The following PACRG variants were observed in gnomAD, a reference collection of about 807,000 sequenced individuals.
The protein encoded by PACRG is parkin coregulated, also known as parkin coregulated gene protein.
In PACRG, 29 loss-of-function variants were observed where a neutral mutation model predicts 29.7. The observed-to-expected ratio is 0.98, with a 90% confidence interval of 0.73 to 1.33. PACRG has a LOEUF of 1.33. Among genes scored for constraint, PACRG ranks in the 40% most tolerant of loss-of-function variants. The probability of loss-of-function intolerance (pLI) is 0.00; values close to 1 mark genes in which losing one functional copy is unlikely to be tolerated. For synonymous variants in PACRG, 116 were observed against 118.7 expected (o/e 0.98, Z 0.15); for missense variants, 279 against 316.2 (o/e 0.88, Z 0.89).
chr6:163,129,237 A>C (rs558017), intron 4 of PACRG, among the ~76,000 whole-genome samples: 41,129 of 152,132 alleles, frequency 0.27, 5,664 homozygotes, highest in East Asian at 0.48. Flanking sequence ...GCGCGATTTG[A>C]ACATGCATTC....
At chr6:162,909,118 C>T (rs985527438) in intron 2 of PACRG, among the ~76,000 whole-genome samples, 4 of 152,202 alleles carry the variant, frequency 2.6e-5, no homozygotes, top group African/African-American at 9.7e-5. Context: ...ACCACATGAA[C>T]TCTTTGCAAT....
rs557901450 is a variant in PACRG, at chr6:162,984,045, T to C, written c.292-78105T>C. On this transcript the variant is annotated intron_variant, in intron 2 of 4. Transcript: ENST00000366888. ...TAAAAATTTTTTTTATTTCAATAGG[T>C]TTTTGGGAAACGGGTGGTGTTTGGT... Among the ~76,000 whole-genome samples the C allele has an allele frequency of 3.3e-5, 5 of 151,978 alleles. No individual in the cohort carries two copies. In the South Asian group the frequency reaches 1.0e-3, roughly 31 times the overall value.
rs67314549 is a variant in PACRG, at chr6:163,269,889, GAAA to G, written c.614-44936_614-44934del. Among the ~76,000 whole-genome samples the G allele has an allele frequency of 3.3e-3, 80 of 24,404 alleles. 11 individuals are homozygous for G. Among genetic ancestry groups the G allele is most frequent in the South Asian group, 6.7e-3 (5 of 750 alleles). 16.0% of individuals were successfully genotyped at this position (24,404 alleles called of 152,430 possible). On this transcript the variant is annotated intron_variant, in intron 4 of 4. Transcript: ENST00000366888. ...AAAGAGAAAGAAAGAAAGAAAGAAA[GAAA>G]ACAAAGAAAGAAAGAAAGAAAGAAA...
chr6:163,198,364 T>C (rs988586102), intron 4 of PACRG, among the ~76,000 whole-genome samples: 1 of 152,240 alleles, frequency 6.6e-6, no homozygotes, highest in Non-Finnish European at 1.5e-5. Flanking sequence ...AATACCTAGA[T>C]TGTGAGATAA....
At chr6:162,881,197 T>C (rs1361281142) in intron 2 of PACRG, among the ~76,000 whole-genome samples, 1 of 152,202 alleles carries the variant, frequency 6.6e-6, no homozygotes, top group African/African-American at 2.4e-5. Context: ...TTAAACGACC[T>C]GGCAGTTTTG....
At chr6:162,788,527 A>G (rs960121214) in intron 1 of PACRG, among the ~76,000 whole-genome samples, 2 of 152,210 alleles carry the variant, frequency 1.3e-5, no homozygotes, top group Non-Finnish European at 2.9e-5. Context: ...GGCAAATTCC[A>G]AGGAGTGTGA....
chr6:162,934,666 C>T (rs986230160), intron 2 of PACRG, among the ~76,000 whole-genome samples: 3 of 151,870 alleles, frequency 2.0e-5, no homozygotes, highest in African/African-American at 4.8e-5. Context: ...TTCTTTCTTC[C>T]TCTTTTATTG....
chr6:163,192,292 C>T (rs766988497), intron 4 of PACRG, among the ~76,000 whole-genome samples: 2 of 152,260 alleles, frequency 1.3e-5, no homozygotes, highest in East Asian at 3.9e-4. Flanking sequence ...ATTTCAGTTC[C>T]CTTGTTGACT....
At chr6:162,774,038 GTAATT>G (rs1783448994) in intron 1 of PACRG, among the ~76,000 whole-genome samples, 1 of 152,180 alleles carries the variant, frequency 6.6e-6, no homozygotes, top group South Asian at 2.1e-4. Flanking sequence ...AACAATTGAA[GTAATT>G]TAATTTCAAA....
intron 2 of PACRG, among the ~76,000 whole-genome samples, chr6:162,884,554 A>C (rs1316977199): frequency 6.6e-6 from 1 of 152,232 alleles, no homozygotes; most frequent in East Asian, 1.9e-4. Flanking sequence ...TATTTTTGTA[A>C]ATATGAAATT....
intron 2 of PACRG, among the ~76,000 whole-genome samples, chr6:162,867,017 AATAAAT>A (rs1451685236): frequency 1.3e-5 from 2 of 152,228 alleles, no homozygotes; most frequent in Non-Finnish European, 2.9e-5. Flanking sequence ...CATGGTAAAT[AATAAAT>A]ATAAGTGATA....
At chr6:163,036,680 C>T (rs923706093) in intron 2 of PACRG, among the ~76,000 whole-genome samples, 3 of 152,196 alleles carry the variant, frequency 2.0e-5, no homozygotes, top group African/African-American at 7.2e-5. Flanking sequence ...CTTGTTATCC[C>T]AGATGACTAA....
chr6:162,843,387 C>T (rs1789990623), intron 2 of PACRG, among the ~76,000 whole-genome samples: 1 of 150,866 alleles, frequency 6.6e-6, no homozygotes, highest in East Asian at 2.0e-4. Flanking sequence ...TAGTTGATCG[C>T]ATTGGCTCCT....
chr6:163,111,216 GT>G (rs1418478933), intron 4 of PACRG, among the ~76,000 whole-genome samples: 2 of 152,166 alleles, frequency 1.3e-5, no homozygotes, highest in African/African-American at 2.4e-5. Context: ...CCACACTGTA[GT>G]TAATCCCAAT....
At chr6:163,168,957 T>A (rs1180459100) in intron 4 of PACRG, among the ~76,000 whole-genome samples, 1 of 152,192 alleles carries the variant, frequency 6.6e-6, no homozygotes, top group Admixed American at 6.5e-5. Context: ...CATATTTGAA[T>A]AAAAGCGACC....
chr6:163,029,178 G>A (rs959124063), intron 2 of PACRG, among the ~76,000 whole-genome samples: 35 of 152,270 alleles, frequency 2.3e-4, no homozygotes, highest in African/African-American at 7.7e-4. Context: ...CCTGGAGGCC[G>A]AAAAGATAAG....
chr6:163,174,221 A>T (rs1342844072), intron 4 of PACRG, among the ~76,000 whole-genome samples: 1 of 150,878 alleles, frequency 6.6e-6, no homozygotes, highest in Non-Finnish European at 1.5e-5. Context: ...TGATGAGCTA[A>T]AACAAATTGC....
At chr6:163,301,999 G>C (rs1327970377) in intron 4 of PACRG, among the ~76,000 whole-genome samples, 1 of 152,158 alleles carries the variant, frequency 6.6e-6, no homozygotes, top group Non-Finnish European at 1.5e-5. Flanking sequence ...TTAATGTCCT[G>C]ATTCAGGGGA....
intron 1 of PACRG, among the ~76,000 whole-genome samples, chr6:162,733,497 T>A (rs1036358706): frequency 7.2e-5 from 11 of 152,180 alleles, no homozygotes; most frequent in African/African-American, 2.4e-4. Flanking sequence ...TGAATTTTTT[T>A]AAGCCATCCT....
Sources: gnomAD v4.1 joint callset for allele counts (sites outside exome capture counted in the v4.1 genomes callset) on GRCh38, gnomAD v4.1.1 for gene constraint, MANE v1.5 for transcripts, NCBI Gene and HGNC (gene_info 2026-07-23, HGNC 2026-07-21) for gene names.